The following RIC8B variants were observed in gnomAD, a reference collection of about 807,000 sequenced individuals.
RIC8B encodes the protein RIC8 guanine nucleotide exchange factor B.
A neutral mutation model predicts 57.5 loss-of-function variants in RIC8B; 16 were observed. That is an observed-to-expected ratio of 0.28 (90% CI 0.19 to 0.42). The LOEUF (loss-of-function observed/expected upper bound fraction) is 0.42, where lower values mean the gene tolerates loss of function less well. Ranked by LOEUF, RIC8B falls within the 10% of genes least tolerant of loss-of-function variation. The pLI is 1.00. For missense variants in RIC8B, 481 were observed against 677.0 expected (o/e 0.71, Z 3.21); for synonymous variants, 216 against 250.8 (o/e 0.86, Z 1.31).
intron 2 of RIC8B, among the ~76,000 whole-genome samples, chr12:106,793,407 G>A (rs760202333): frequency 6.6e-6 from 1 of 152,186 alleles, no homozygotes; most frequent in African/African-American, 2.4e-5. Context: ...ATGCCTAAGG[G>A]TGCAGGTTGT....
At chr12:106,841,828 G>A (rs576500301) in intron 4 of RIC8B, among the ~76,000 whole-genome samples, 7 of 152,222 alleles carry the variant, frequency 4.6e-5, no homozygotes, top group Admixed American at 3.9e-4. Flanking sequence ...AATTGTTAGT[G>A]TCATTTTAAT....
At position 106,871,063 on chromosome 12, in the gene RIC8B, G is replaced by A. The variant is rs1196098806; in HGVS notation, c.1571+121G>A. On this transcript the variant is annotated intron_variant, in intron 9 of 9. Coordinates refer to ENST00000392837, the MANE Select transcript of RIC8B (RefSeq NM_001330145.2). ...AATCCATGTTGATTGGAATAGGGTG[G>A]CCCAGGCAGCAGTAGTTCAGATAGC... 10 of 958,508 alleles carry A rather than the reference G, an allele frequency of 1.0e-5. 1 individual carries two copies. The highest frequency in any genetic ancestry group is 6.6e-5 in the African/African-American group (4 of 60,578). The allele number at this position is 958,508 out of a possible 1,614,324, so 59.4% of individuals were successfully genotyped here.
chr12:106,852,678 C>T (rs1416594989), intron 7 of RIC8B, among the ~76,000 whole-genome samples: 1 of 152,188 alleles, frequency 6.6e-6, no homozygotes, highest in Non-Finnish European at 1.5e-5. Flanking sequence ...TAACATGTCA[C>T]ACAGTTGCTG....
At chr12:106,876,238 A>T (rs1398611649) in intron 9 of RIC8B, among the ~76,000 whole-genome samples, 1 of 152,104 alleles carries the variant, frequency 6.6e-6, no homozygotes, top group Admixed American at 6.6e-5. Context: ...TATCAGTGTA[A>T]AATACTCACT....
chr12:106,840,825 A>G (rs977853892), intron 4 of RIC8B, among the ~76,000 whole-genome samples: 2 of 152,192 alleles, frequency 1.3e-5, no homozygotes, highest in African/African-American at 2.4e-5. Flanking sequence ...AAACTTTTCA[A>G]TCTGGTCTCT....
At chr12:106,885,268 A>G (rs1593427248) in intron 9 of RIC8B, among the ~76,000 whole-genome samples, 1 of 152,286 alleles carries the variant, frequency 6.6e-6, no homozygotes, top group Non-Finnish European at 1.5e-5. Flanking sequence ...TGTCAATCCC[A>G]TAATTAAACT....
intron 9 of RIC8B, among the ~76,000 whole-genome samples, chr12:106,884,049 A>G (rs935410249): frequency 1.3e-5 from 2 of 152,184 alleles, no homozygotes; most frequent in Admixed American, 1.3e-4. Context: ...GACCATTCAG[A>G]GCTCTTTACA....
chr12:106,837,960 G>A (rs950204931), intron 4 of RIC8B, among the ~76,000 whole-genome samples: 1 of 151,998 alleles, frequency 6.6e-6, no homozygotes, highest in Non-Finnish European at 1.5e-5. Context: ...TCTTTTCGTT[G>A]CCTGAATCAT....
chr12:106,868,093 A>G (rs1950216059), intron 8 of RIC8B, among the ~76,000 whole-genome samples: 1 of 152,238 alleles, frequency 6.6e-6, no homozygotes, highest in South Asian at 2.1e-4. Context: ...AATTTCCACC[A>G]AGCTCTTAAG....
intron 4 of RIC8B, among the ~76,000 whole-genome samples, chr12:106,841,038 G>A (rs1220049519): frequency 2.0e-5 from 3 of 152,036 alleles, no homozygotes; most frequent in African/African-American, 2.4e-5. Context: ...GAAGCAAAAC[G>A]TTCTGAACTA....
rs893618675 is a variant in RIC8B at position 106,786,141 on chromosome 12, ATTTTTTTTTTTT to A, written c.132+2112_132+2123del. Among the ~76,000 whole-genome samples the A allele has an allele frequency of 8.0e-4, 59 of 73,930 alleles. 1 individual carries two copies. The East Asian group carries it at 0.018, about 22-fold the overall frequency. 48.5% of individuals were successfully genotyped at this position (73,930 alleles called of 152,430 possible). On this transcript the variant is annotated intron_variant, in intron 2 of 9. Coordinates refer to ENST00000392837, the MANE Select transcript of RIC8B (RefSeq NM_001330145.2). ...AGCCACCACATTTGGCCCAAGGTGTATTTTTTTTTTTTTTTTTTTTTTTTTTGAGACGGAGTC... is the reference window on the plus strand; with the variant it reads ...AGCCACCACATTTGGCCCAAGGTGTATTTTTTTTTTTTTTGAGACGGAGTC...
chr12:106,844,184 C>T (rs1454278507), intron 6 of RIC8B, among the ~76,000 whole-genome samples: 3 of 152,072 alleles, frequency 2.0e-5, no homozygotes, highest in African/African-American at 7.2e-5. Flanking sequence ...TGAAGTCTTT[C>T]CCCTTGGGAA....
At chr12:106,790,347 G>A (rs1386801282) in intron 2 of RIC8B, among the ~76,000 whole-genome samples, 2 of 152,190 alleles carry the variant, frequency 1.3e-5, no homozygotes, top group Non-Finnish European at 2.9e-5. Context: ...TTGGAAGATA[G>A]CAAAGGAAAT....
At chr12:106,831,807 GGA>G (rs1383607277) in intron 4 of RIC8B, among the ~76,000 whole-genome samples, 3 of 152,210 alleles carry the variant, frequency 2.0e-5, no homozygotes, top group African/African-American at 7.2e-5. Context: ...ATGAATCCAT[GGA>G]ATTGGATCTG....
At chr12:106,814,266 G>C (rs1333867815) in intron 2 of RIC8B, among the ~76,000 whole-genome samples, 1 of 152,130 alleles carries the variant, frequency 6.6e-6, no homozygotes, top group Non-Finnish European at 1.5e-5. Flanking sequence ...GTCAGCAAAA[G>C]TTCTTCTCTG....
intron 1 of RIC8B, among the ~76,000 whole-genome samples, chr12:106,775,653 T>TTA (rs2043439454): frequency 6.6e-6 from 1 of 152,264 alleles, no homozygotes; most frequent in African/African-American, 2.4e-5. Flanking sequence ...GAGTATCTTG[T>TTA]TATAAATCCC....
chr12:106,782,731 C>T (rs1267293466), intron 1 of RIC8B, among the ~76,000 whole-genome samples: 1 of 152,162 alleles, frequency 6.6e-6, no homozygotes, highest in Non-Finnish European at 1.5e-5. Context: ...TTCTTTTCTG[C>T]CAACATTTCT....
intron 2 of RIC8B, among the ~76,000 whole-genome samples, chr12:106,812,458 T>TA (rs201038319): frequency 0.018 from 2,687 of 150,068 alleles, 42 homozygotes; most frequent in African/African-American, 0.046. Context: ...TTTTTTTTTT[T>TA]AATTTTATTG....
intron 6 of RIC8B, among the ~76,000 whole-genome samples, chr12:106,845,785 C>T (rs1457611043): frequency 6.6e-6 from 1 of 152,180 alleles, no homozygotes; most frequent in Non-Finnish European, 1.5e-5. Context: ...GTTTTTGACT[C>T]CTAAACCCTC....
Sources: gnomAD v4.1 joint callset for allele counts (sites outside exome capture counted in the v4.1 genomes callset) on GRCh38, gnomAD v4.1.1 for gene constraint, MANE v1.5 for transcripts, NCBI Gene and HGNC (gene_info 2026-07-23, HGNC 2026-07-21) for gene names.